Variants in PSD3 observed in about 807,000 individuals in gnomAD.
PSD3 encodes the protein PH and SEC7 domain-containing protein 3.
PSD3 carries 49 observed loss-of-function variants against 105.5 expected under a neutral mutation model. The observed-to-expected ratio is 0.46, with a 90% confidence interval of 0.37 to 0.59. The LOEUF is 0.59. PSD3 is among the 20% of genes least tolerant of loss of function. The pLI is 0.00. For missense variants in PSD3, 1,561 were observed against 1,263.8 expected, an observed-to-expected ratio of 1.24 and a Z score of -3.57; for synonymous variants, 557 against 457.8, an observed-to-expected ratio of 1.22 and a Z score of -2.77.
intron 1 of PSD3, among the ~76,000 whole-genome samples, chr8:19,072,896 T>C (rs1310541442): frequency 6.6e-6 from 1 of 152,186 alleles, no homozygotes; most frequent in Non-Finnish European, 1.5e-5. Flanking sequence ...AACGTGAAAA[T>C]GCATGAATAC....
At chr8:18,954,946 G>A (rs776275751) in intron 1 of PSD3, among the ~76,000 whole-genome samples, 11 of 152,110 alleles carry the variant, frequency 7.2e-5, no homozygotes, top group Non-Finnish European at 1.0e-4. Context: ...ATGGACAGAC[G>A]CCAAAAAAAG....
At chr8:18,602,336 G>T (rs1023525023) in intron 11 of PSD3, among the ~76,000 whole-genome samples, 1 of 152,116 alleles carries the variant, frequency 6.6e-6, no homozygotes, top group Non-Finnish European at 1.5e-5. Context: ...CAAGCGAAAT[G>T]TGATTTTAAA....
chr8:18,625,723 C>G (rs1312723453), intron 11 of PSD3, among the ~76,000 whole-genome samples: 6 of 152,164 alleles, frequency 3.9e-5, no homozygotes, highest in Admixed American at 2.6e-4. Context: ...AGATACACTG[C>G]TATTCTATAC....
At chr8:18,583,033 G>C (rs1490091989) in intron 12 of PSD3, among the ~76,000 whole-genome samples, 1 of 151,972 alleles carries the variant, frequency 6.6e-6, no homozygotes, top group Non-Finnish European at 1.5e-5. Context: ...TCACCATGTT[G>C]GTCAGGCTGG....
intron 11 of PSD3, among the ~76,000 whole-genome samples, chr8:18,613,015 G>A (rs749236027): frequency 1.4e-5 from 2 of 143,482 alleles, no homozygotes; most frequent in African/African-American, 2.6e-5. Flanking sequence ...TTGGAAAACA[G>A]GTCAGAACAC....
intron 10 of PSD3, among the ~76,000 whole-genome samples, chr8:18,650,762 T>A (rs747365147): frequency 2.0e-5 from 3 of 152,236 alleles, no homozygotes; most frequent in Non-Finnish European, 4.4e-5. Flanking sequence ...AGTAATTCTA[T>A]GAGCATTTAA....
intron 8 of PSD3, among the ~76,000 whole-genome samples, chr8:18,784,627 T>C (rs969032952): frequency 2.6e-5 from 4 of 152,120 alleles, no homozygotes; most frequent in Admixed American, 1.3e-4. Context: ...TTTAATTTAC[T>C]AGGAGGGCTC....
chr8:18,995,616 A>G (rs1826035173), intron 1 of PSD3, among the ~76,000 whole-genome samples: 2 of 151,992 alleles, frequency 1.3e-5, no homozygotes, highest in Admixed American at 1.3e-4. Flanking sequence ...TATTAAAGAC[A>G]TGCCCGGGAC....
chr8:19,077,942 A>G (rs1428297867), intron 1 of PSD3, among the ~76,000 whole-genome samples: 3 of 152,196 alleles, frequency 2.0e-5, no homozygotes, highest in Non-Finnish European at 2.9e-5. Context: ...TGCGGAATCC[A>G]TGATAGTCAT....
intron 2 of PSD3, among the ~76,000 whole-genome samples, chr8:18,919,926 A>T (rs1820891374): frequency 6.6e-6 from 1 of 150,934 alleles, no homozygotes; most frequent in African/African-American, 2.4e-5. Flanking sequence ...GGTGCAGCGC[A>T]CCAGCACGGC....
chr8:18,852,719 G>A (rs1815690183), intron 4 of PSD3, among the ~76,000 whole-genome samples: 1 of 152,174 alleles, frequency 6.6e-6, no homozygotes, highest in African/African-American at 2.4e-5. Context: ...GCCCTGATGT[G>A]TTTACAGTGT....
intron 1 of PSD3, among the ~76,000 whole-genome samples, chr8:19,040,826 C>G (rs1828097784): frequency 6.6e-6 from 1 of 152,118 alleles, no homozygotes. Flanking sequence ...GTTCTTGGAC[C>G]ACAGGTTATC....
intron 1 of PSD3, among the ~76,000 whole-genome samples, chr8:18,969,998 G>A (rs1342097602): frequency 6.6e-6 from 1 of 151,910 alleles, no homozygotes; most frequent in East Asian, 1.9e-4. Flanking sequence ...CTAGTTTTTT[G>A]AAGAAAGAAA....
rs369332180 is a variant in PSD3, at chr8:19,005,354, T to A, written c.21+8209A>T. ...CAGCTACAAAAGGCCACATTTTGTA[T>A]TGTTTCATTTACATGATATGTGCAG... On this transcript the variant is annotated intron_variant, in intron 1 of 15. Transcript: ENST00000327040. Among the ~76,000 whole-genome samples, 30 of 152,200 alleles carry A rather than the reference T, an allele frequency of 2.0e-4. 1 individual carries two copies. The highest frequency in any genetic ancestry group is 6.5e-4 in the African/African-American group (27 of 41,552).
chr8:18,890,621 A>G (rs183848031), intron 2 of PSD3, among the ~76,000 whole-genome samples: 238 of 152,342 alleles, frequency 1.6e-3, no homozygotes, highest in Middle Eastern at 6.8e-3. Context: ...CATACAGTAT[A>G]AAAGGTTTGT....
chr8:18,545,336 G>C (rs1375836704), intron 15 of PSD3, among the ~76,000 whole-genome samples: 3 of 152,054 alleles, frequency 2.0e-5, no homozygotes, highest in Non-Finnish European at 4.4e-5. Context: ...CACCCACAAG[G>C]CCTCTGGCTC....
chr8:18,884,169 T>C (rs1191627847), intron 2 of PSD3, among the ~76,000 whole-genome samples: 1 of 151,994 alleles, frequency 6.6e-6, no homozygotes, highest in East Asian at 1.9e-4. Context: ...ATGCTTAATT[T>C]ACAAAACAAA....
intron 2 of PSD3, among the ~76,000 whole-genome samples, chr8:18,912,286 C>G (rs1004011573): frequency 6.6e-6 from 1 of 152,074 alleles, no homozygotes; most frequent in Non-Finnish European, 1.5e-5. Context: ...GTATTAACTC[C>G]GAAACAAATC....
At chr8:18,900,179 G>T (rs1324771021) in intron 2 of PSD3, among the ~76,000 whole-genome samples, 5 of 151,970 alleles carry the variant, frequency 3.3e-5, no homozygotes, top group Non-Finnish European at 7.4e-5. Context: ...ATCTTTTGCT[G>T]GCATTACATT....
Sources: allele counts gnomAD v4.1 joint callset (sites outside exome capture counted in the v4.1 genomes callset), GRCh38; gene constraint gnomAD v4.1.1; transcripts MANE v1.5; gene names NCBI Gene and HGNC (gene_info 2026-07-23, HGNC 2026-07-21).